Variants in GLIS3 observed in about 807,000 individuals in gnomAD.
GLIS3 encodes zinc finger protein GLIS3.
GLIS3 carries 53 observed loss-of-function variants against 78.6 expected under a neutral mutation model. The observed-to-expected ratio is 0.67, with a 90% CI of 0.54 to 0.85. The LOEUF is 0.85. GLIS3 is among the 40% of genes least tolerant of loss of function. The pLI is 0.00. For missense variants in GLIS3, 1,703 were observed against 1,231.1 expected, an observed-to-expected ratio of 1.38 and a Z score of -5.74; for synonymous variants, 684 against 509.9, an observed-to-expected ratio of 1.34 and a Z score of -4.60.
At chr9:4,067,180 C>T (rs1365553622) in intron 4 of GLIS3, among the ~76,000 whole-genome samples, 1 of 151,802 alleles carries the variant, frequency 6.6e-6, no homozygotes, top group East Asian at 1.9e-4. Flanking sequence ...TAATACTTAA[C>T]ACCTTTGACT....
At chr9:4,216,292 G>A (rs1054340428) in intron 2 of GLIS3, among the ~76,000 whole-genome samples, 1 of 151,902 alleles carries the variant, frequency 6.6e-6, no homozygotes, top group African/African-American at 2.4e-5. Context: ...CTAACATGGT[G>A]AAACCCCGCC....
intron 9 of GLIS3, among the ~76,000 whole-genome samples, chr9:3,853,400 A>G (rs1193751515): frequency 6.6e-6 from 1 of 152,196 alleles, no homozygotes; most frequent in African/African-American, 2.4e-5. Context: ...GGGAGTGTCA[A>G]TCACTTAGTC....
the GLIS3 span, among the ~76,000 whole-genome samples, chr9:4,399,361 C>T: frequency 1.6e-4 from 25 of 152,296 alleles, 2 homozygotes; most frequent in African/African-American, 4.3e-4. Context: ...CCAAGCACTG[C>T]GCTAAGCTCT....
chr9:4,381,727 G>C, the GLIS3 span, among the ~76,000 whole-genome samples: 1 of 152,284 alleles, frequency 6.6e-6, no homozygotes, highest in African/African-American at 2.4e-5. Context: ...CATCCTGTCT[G>C]TATTGCTGGG....
At chr9:3,967,408 C>T (rs1818036348) in intron 4 of GLIS3, among the ~76,000 whole-genome samples, 1 of 151,942 alleles carries the variant, frequency 6.6e-6, no homozygotes, top group African/African-American at 2.4e-5. Flanking sequence ...GAGGCTAAGG[C>T]AGGAGAATCA....
At chr9:4,385,793 G>GA in the GLIS3 span, among the ~76,000 whole-genome samples, 1 of 75,692 alleles carries the variant, frequency 1.3e-5, no homozygotes, top group African/African-American at 6.5e-5. Flanking sequence ...AAGAAAGAAA[G>GA]AAAGAAAGAA....
At chr9:3,911,092 C>T (rs1010213786) in intron 6 of GLIS3, among the ~76,000 whole-genome samples, 17 of 151,940 alleles carry the variant, frequency 1.1e-4, no homozygotes, top group Non-Finnish European at 7.4e-5. Context: ...AATCCATCTT[C>T]CTTCCTTTCT....
At chr9:3,992,813 A>G (rs1274053595) in intron 4 of GLIS3, among the ~76,000 whole-genome samples, 3 of 152,164 alleles carry the variant, frequency 2.0e-5, no homozygotes, top group Non-Finnish European at 4.4e-5. Flanking sequence ...ACATCTAATA[A>G]TCTCTACCAT....
At chr9:4,239,821 G>T (rs1176403208) in intron 2 of GLIS3, among the ~76,000 whole-genome samples, 1 of 152,178 alleles carries the variant, frequency 6.6e-6, no homozygotes, top group African/African-American at 2.4e-5. Flanking sequence ...TGGTTGATTT[G>T]TATCATCTAC....
intron 2 of GLIS3, among the ~76,000 whole-genome samples, chr9:4,233,552 TAA>T (rs760582526): frequency 6.6e-6 from 1 of 152,206 alleles, no homozygotes; most frequent in Non-Finnish European, 1.5e-5. Context: ...AACCATGACG[TAA>T]AGAGATGTGC....
rs563180316 is a variant in GLIS3, at chr9:4,272,503, T to A, written c.388+13535A>T. ...GCCGGGTGTGCTTGGGCAAGTTTCT[T>A]AATCTTCCCAAGCCTCTCTGTTCTC... On this transcript the variant is annotated intron_variant, in intron 2 of 10. Coordinates refer to ENST00000381971, the MANE Select transcript of GLIS3 (RefSeq NM_001042413.2). 3.3e-5 allele frequency among the ~76,000 whole-genome samples: 5 copies of A among 152,306 alleles called. No homozygotes were observed. The South Asian group carries it at 1.0e-3, about 32-fold the overall frequency.
chr9:4,333,370 G>GAAGAAAGGAAGGGAGAGAGGGA (rs1817712690), intron 2 of GLIS3, among the ~76,000 whole-genome samples: 1 of 151,690 alleles, frequency 6.6e-6, no homozygotes, highest in Admixed American at 6.6e-5. Flanking sequence ...AGGAAAAAGG[G>GAAGAAAGGAAGGGAGAGAGGGA]AAGAAAGGAA....
chr9:4,396,519 G>C, the GLIS3 span, among the ~76,000 whole-genome samples: 5 of 152,152 alleles, frequency 3.3e-5, no homozygotes, highest in South Asian at 1.0e-3. Flanking sequence ...ACTCTGGACT[G>C]ATTACTTTGA....
At chr9:4,026,358 G>A (rs1250301395) in intron 4 of GLIS3, among the ~76,000 whole-genome samples, 1 of 152,154 alleles carries the variant, frequency 6.6e-6, no homozygotes, top group African/African-American at 2.4e-5. Flanking sequence ...TGTACTATCT[G>A]AATAATAATG....
At chr9:3,911,515 C>G (rs639945) in intron 6 of GLIS3, among the ~76,000 whole-genome samples, 151,373 of 152,310 alleles carry the variant, frequency 0.99, 75,226 homozygotes, top group Middle Eastern at 1. Flanking sequence ...CTGCCCCAAA[C>G]TAAGTTATCT....
intron 2 of GLIS3, among the ~76,000 whole-genome samples, chr9:4,326,848 T>G (rs183014685): frequency 1.4e-3 from 209 of 152,316 alleles, no homozygotes; most frequent in African/African-American, 4.9e-3. Flanking sequence ...ACATAAGGAC[T>G]GGCATAAGCG....
intron 2 of GLIS3, among the ~76,000 whole-genome samples, chr9:4,313,117 A>C: frequency 6.6e-6 from 1 of 152,240 alleles, no homozygotes; most frequent in Non-Finnish European, 1.5e-5. Flanking sequence ...CCTGTGTAAC[A>C]GTACTCTTTT....
In GLIS3 at chr9:4,069,301, T is replaced by C. The variant is rs146687018; in HGVS notation, c.1710+48467A>G. 6.2e-3 allele frequency among the ~76,000 whole-genome samples: 948 copies of C among 152,316 alleles called. 8 individuals are homozygous for C. The highest frequency in any genetic ancestry group is 7.5e-3 in the Non-Finnish European group (512 of 68,026). ...TCCTTCAGATTCTGGCCTGAAACTA[T>C]TGGAAAGCCTGCCTGGCTGGTAGCT... On this transcript the variant is annotated intron_variant, in intron 4 of 10. Transcript: ENST00000381971.
chr9:4,464,518 C>T, the GLIS3 span, among the ~76,000 whole-genome samples: 3 of 152,020 alleles, frequency 2.0e-5, no homozygotes, highest in African/African-American at 7.2e-5. Flanking sequence ...CTTCAGCCTC[C>T]CGAGCAGCTG....
Sources: gnomAD v4.1 joint callset for allele counts (sites outside exome capture counted in the v4.1 genomes callset) on GRCh38, gnomAD v4.1.1 for gene constraint, MANE v1.5 for transcripts, NCBI Gene and HGNC (gene_info 2026-07-23, HGNC 2026-07-21) for gene names.